The following ANKFN1 variants were observed in gnomAD, a reference collection of about 807,000 sequenced individuals.
ANKFN1 encodes the protein ankyrin repeat and fibronectin type III domain containing 1.
ANKFN1 carries 74 observed loss-of-function variants against 108.7 expected under a neutral mutation model. The observed-to-expected ratio is 0.68, with a 90% CI of 0.56 to 0.83. The LOEUF is 0.83. Among genes scored for constraint, ANKFN1 ranks in the 40% least tolerant of loss-of-function variants. ANKFN1 has a pLI of 0.00. For synonymous variants in ANKFN1, 547 were observed against 516.2 expected (o/e 1.06, Z -0.81); for missense variants, 1,505 against 1,382.3 (o/e 1.09, Z -1.41).
At chr17:56,489,243 T>TTAACAAATCA (rs1883477449) in intron 18 of ANKFN1, among the ~76,000 whole-genome samples, 1 of 152,210 alleles carries the variant, frequency 6.6e-6, no homozygotes, top group African/African-American at 2.4e-5. Flanking sequence ...CTGTGAATTA[T>TTAACAAATCA]TAACAAATCA....
chr17:56,402,555 T>C (rs143269446), intron 8 of ANKFN1, among the ~76,000 whole-genome samples: 1 of 152,170 alleles, frequency 6.6e-6, no homozygotes, highest in African/African-American at 2.4e-5. Context: ...TGTTTCTTAG[T>C]GGGGTTATTT....
In ANKFN1 at chr17:56,385,330, TA is replaced by T. The variant is rs1389009953; in HGVS notation, c.910+10619del. 5.3e-5 allele frequency among the ~76,000 whole-genome samples: 8 copies of T among 152,290 alleles called. No homozygotes were observed. The South Asian group carries it at 1.7e-3, about 32-fold the overall frequency. The stretch of plus-strand genomic sequence containing the variant: ...ATATAAAAATTAATTCAAGATGGAT[TA>T]AAGACTTAAATGTTAGACCTAAAAC... On this transcript the variant is annotated intron_variant, in intron 8 of 20. Transcript: ENST00000682825.
rs192472579 is a variant in ANKFN1 at position 56,168,573 on chromosome 17, T to C, written c.-71+15043T>C. Among the ~76,000 whole-genome samples, 5 of 152,366 alleles carry C rather than the reference T, an allele frequency of 3.3e-5. No individual in the cohort carries two copies. In the East Asian group the frequency reaches 9.6e-4, roughly 29 times the overall value. ...AGGAAATGTATTTTTGTGGTTATAA[T>C]CAATTGCAAGACCAACTTACCATTT... is the stretch of plus-strand genomic sequence containing the variant. On this transcript the variant is annotated intron_variant, in intron 1 of 20. Transcript: ENST00000682825.
At chr17:56,098,384 A>G (rs1207559243) in intron 4 of ANKFN1, among the ~76,000 whole-genome samples, 1 of 151,962 alleles carries the variant, frequency 6.6e-6, no homozygotes, top group Non-Finnish European at 1.5e-5. Context: ...ACACTTTCAT[A>G]CAAAAATAGC....
intron 4 of ANKFN1, among the ~76,000 whole-genome samples, chr17:56,073,941 T>C (rs1567781835): frequency 6.6e-6 from 1 of 152,224 alleles, no homozygotes. Flanking sequence ...CTTTTGGAGA[T>C]TGTGTTACTT....
intron 6 of ANKFN1, among the ~76,000 whole-genome samples, chr17:56,370,101 C>T: frequency 6.6e-6 from 1 of 152,046 alleles, no homozygotes; most frequent in East Asian, 1.9e-4. Flanking sequence ...CCTACTTCAC[C>T]CACCGTCACC....
At chr17:56,450,812 A>AT (rs1002996737) in intron 11 of ANKFN1, among the ~76,000 whole-genome samples, 6 of 152,174 alleles carry the variant, frequency 3.9e-5, no homozygotes, top group African/African-American at 7.2e-5. Flanking sequence ...AGAATGAGAG[A>AT]TTTTTTTAAT....
At chr17:56,374,539 A>G in intron 7 of ANKFN1, 62 bp from the exon 8 acceptor site, 1 of 1,206,402 alleles carries the variant, frequency 8.3e-7, no homozygotes, top group Non-Finnish European at 1.2e-6. Context: ...TTGAAGAGGG[A>G]GGAACGTTGT....
chr17:56,501,779 G>A (rs554560678), intron 20 of ANKFN1, among the ~76,000 whole-genome samples: 1 of 152,098 alleles, frequency 6.6e-6, no homozygotes, highest in African/African-American at 2.4e-5. Flanking sequence ...AGACTAAGAA[G>A]GAACAACCAG....
intron 10 of ANKFN1, among the ~76,000 whole-genome samples, chr17:56,447,316 C>A (rs2049331691): frequency 6.6e-6 from 1 of 152,198 alleles, no homozygotes. Context: ...CCACAAGGAA[C>A]AAAGACTCTA....
intron 6 of ANKFN1, among the ~76,000 whole-genome samples, chr17:56,372,332 G>A (rs1410090506): frequency 6.6e-6 from 1 of 152,158 alleles, no homozygotes; most frequent in Non-Finnish European, 1.5e-5. Flanking sequence ...CTCTGGATGA[G>A]AAGTGGTCCT....
chr17:56,369,699 T>C (rs997344856), intron 6 of ANKFN1, among the ~76,000 whole-genome samples: 11 of 152,070 alleles, frequency 7.2e-5, no homozygotes, highest in African/African-American at 2.7e-4. Flanking sequence ...GCTGGTTTAG[T>C]AGACAAAAAA....
intron 4 of ANKFN1, among the ~76,000 whole-genome samples, chr17:56,347,082 T>C (rs919743883): frequency 6.6e-5 from 10 of 151,784 alleles, no homozygotes; most frequent in Admixed American, 1.3e-4. Flanking sequence ...ATTTTTAAAT[T>C]ATTTTAGATT....
At chr17:56,048,608 C>T (rs1017990473) in intron 4 of ANKFN1, among the ~76,000 whole-genome samples, 1 of 152,186 alleles carries the variant, frequency 6.6e-6, no homozygotes, top group Non-Finnish European at 1.5e-5. Context: ...TCCCAGGTGC[C>T]TTCACTCTGT....
intron 1 of ANKFN1, among the ~76,000 whole-genome samples, chr17:56,194,812 A>G (rs899526664): frequency 2.6e-5 from 4 of 152,202 alleles, no homozygotes; most frequent in Middle Eastern, 3.4e-3. Context: ...GGGGCTAGGC[A>G]GGTGTGTGGG....
rs1215953046 is a variant in ANKFN1, at chr17:56,326,344, C to T, written c.177C>T (p.Asn59=). Residue 59 remains asparagine (N), a synonymous_variant, in exon 4 of 21, where the codon AAC becomes AAT. Transcript: ENST00000682825. ...CAACTTGTTCCTCTGCTGCCTCGAA[C>T]AGCATAAACTGGTAAGTCAAATTTA... ...LPTTCSSAAS[N]SINWNCRVKM... The T allele has an allele frequency of 1.9e-6, 3 of 1,611,562 alleles. No individual in the cohort carries two copies. In the Admixed American group the frequency reaches 5.1e-5, roughly 27 times the overall value.
In ANKFN1 at chr17:56,208,106, C is replaced by T. The variant is rs570296182; in HGVS notation, c.-70-4492C>T. The stretch of plus-strand genomic sequence containing the variant: ...CTTGCTGCAACCTCCACCTCCCGGG[C>T]TCAAGCAATTCTCCTGCCTCAGCCT... On this transcript the variant is annotated intron_variant, in intron 1 of 20. Transcript: ENST00000682825. 2.3e-3 allele frequency among the ~76,000 whole-genome samples: 356 copies of T among 152,270 alleles called. 2 individuals are homozygous for T. Among genetic ancestry groups the T allele is most frequent in the African/African-American group, 8.2e-3 (339 of 41,556 alleles).
intron 3 of ANKFN1, among the ~76,000 whole-genome samples, chr17:56,292,803 C>A (rs557416983): frequency 6.6e-6 from 1 of 152,168 alleles, no homozygotes; most frequent in Non-Finnish European, 1.5e-5. Context: ...AGCCTGACTG[C>A]CTGGGCTGCT....
At chr17:56,263,955 C>T (rs902510180) in intron 3 of ANKFN1, among the ~76,000 whole-genome samples, 14 of 152,178 alleles carry the variant, frequency 9.2e-5, no homozygotes, top group African/African-American at 3.1e-4. Flanking sequence ...TGTGACATTA[C>T]ATTTTGTTAA....
Sources: allele counts gnomAD v4.1 joint callset (sites outside exome capture counted in the v4.1 genomes callset), GRCh38; gene constraint gnomAD v4.1.1; transcripts MANE v1.5; gene names NCBI Gene and HGNC (gene_info 2026-07-23, HGNC 2026-07-21).